SPTBN4: variants seen among roughly 807,000 people sequenced by gnomAD.
The protein encoded by SPTBN4 is spectrin beta, non-erythrocytic 4.
SPTBN4 carries 96 observed loss-of-function variants against 277.8 expected under a neutral mutation model. The observed-to-expected ratio is 0.35, with a 90% CI of 0.29 to 0.41. The LOEUF (loss-of-function observed/expected upper bound fraction) is 0.41, where lower values mean the gene tolerates loss of function less well. Among genes scored for constraint, SPTBN4 ranks in the 10% least tolerant of loss-of-function variants. The pLI, the probability that SPTBN4 is intolerant of heterozygous loss-of-function variation, is 1.00. For synonymous variants in SPTBN4, 1,481 were observed against 1,580.3 expected, an observed-to-expected ratio of 0.94 and a Z score of 1.49; for missense variants, 3,006 against 3,595.7, an observed-to-expected ratio of 0.84 and a Z score of 4.19.
In SPTBN4 at chr19:40,513,493, C is replaced by G; in HGVS notation, c.2704C>G (p.Gln902Glu). Residue 902 changes from glutamine to glutamate, a missense_variant, in exon 14 of 36, where the codon CAA becomes GAA. Around this residue, in one of 5 missense-constraint regions of SPTBN4, gnomAD observed 1,759 missense variants for 2,061.5 expected, o/e 0.85. Coordinates refer to ENST00000598249, the MANE Select transcript of SPTBN4 (RefSeq NM_020971.3). ...TGAGCTGTGGATCGGCGAGAAGGAG[C>G]AATGGCTGCTCTCCATGCGTGTGCC... ...ACELWIGEKE[Q>E]WLLSMRVPDS... The G allele has an allele frequency of 6.2e-7, 1 of 1,600,260 alleles. No individual in the cohort carries two copies. Among genetic ancestry groups the G allele is most frequent in the South Asian group, 1.1e-5 (1 of 90,454 alleles).
At position 40,549,209 on chromosome 19, in the gene SPTBN4, G is replaced by A; in HGVS notation, c.4380G>A (p.Glu1460=). The change falls in exon 21 of 36, where the codon GAG becomes GAA. Residue 1460 remains glutamate, a synonymous_variant. Coordinates refer to ENST00000598249, the MANE Select transcript of SPTBN4 (RefSeq NM_020971.3). ...CACAGTCCATGGAGTCGCAGGTGGA[G>A]GAGTGGTACCGCGAGGTGGGAGAGC... The part of the protein sequence containing the change: ...KKLQSMESQV[E]EWYREVGELQ... The A allele has an allele frequency of 6.5e-7, 1 of 1,547,382 alleles. No individual in the cohort carries two copies. The highest frequency in any genetic ancestry group is 1.2e-5 in the South Asian group (1 of 83,764).
chr19:40,525,394 C>T (rs1740545248), intron 17 of SPTBN4, among the ~76,000 whole-genome samples: 1 of 148,480 alleles, frequency 6.7e-6, no homozygotes, highest in East Asian at 2.0e-4. Flanking sequence ...GCAATCATAG[C>T]TCACTGCAGC....
intron 21 of SPTBN4, 38 bp downstream of exon 21, chr19:40,549,451 G>T: frequency 8.1e-7 from 1 of 1,235,252 alleles, no homozygotes; most frequent in South Asian, 1.7e-5. Flanking sequence ...GGGCGGGGCG[G>T]GGCGGTGGGG....
rs1264898618 is a variant in SPTBN4 at position 40,550,345 on chromosome 19, A to T, written c.4674+18A>T. ...AGAACCAGGTGAGCAGAGCCAGGTG[A>T]GGGAGCGAGTTAGGACATTTGGATA... is the stretch of plus-strand genomic sequence containing the variant. On this transcript the variant is annotated intron_variant, in intron 22 of 35. Transcript: ENST00000598249. 6.2e-7 allele frequency: 1 copy of T among 1,603,346 alleles called. No individual in the cohort carries two copies. Among genetic ancestry groups the T allele is most frequent in the African/African-American group, 1.3e-5 (1 of 74,876 alleles).
At chr19:40,489,648 A>G (rs534227435) in intron 3 of SPTBN4, among the ~76,000 whole-genome samples, 2 of 152,168 alleles carry the variant, frequency 1.3e-5, no homozygotes, top group African/African-American at 4.8e-5. Context: ...TCGGCCTCCC[A>G]AAGTGCTGGG....
At chr19:40,545,018 ACT>A (rs1456102919) in intron 20 of SPTBN4, among the ~76,000 whole-genome samples, 1 of 144,374 alleles carries the variant, frequency 6.9e-6, no homozygotes, top group African/African-American at 2.6e-5. Context: ...CCCATTATAA[ACT>A]CTGCTGTGAT....
At chr19:40,512,166 A>T (rs928019276) in intron 13 of SPTBN4, among the ~76,000 whole-genome samples, 2 of 152,226 alleles carry the variant, frequency 1.3e-5, no homozygotes, top group African/African-American at 4.8e-5. Flanking sequence ...CATTTGACTC[A>T]GTTCTGACAT....
At chr19:40,564,820 G>C (rs1490938041) in intron 27 of SPTBN4, among the ~76,000 whole-genome samples, 2 of 149,830 alleles carry the variant, frequency 1.3e-5, no homozygotes, top group East Asian at 2.0e-4. Context: ...CTGGGCAACA[G>C]AGCAAGACCC....
chr19:40,532,174 T>C (rs55952814), intron 18 of SPTBN4, among the ~76,000 whole-genome samples: 20,430 of 151,384 alleles, frequency 0.13, 1,608 homozygotes, highest in Non-Finnish European at 0.18. Context: ...GGCTCTTGAA[T>C]TGGTCCTTAT....
intron 20 of SPTBN4, among the ~76,000 whole-genome samples, chr19:40,543,662 G>T (rs990368806): frequency 6.6e-6 from 1 of 152,028 alleles, no homozygotes; most frequent in African/African-American, 2.4e-5. Context: ...TCCTCCATCT[G>T]TTTAGAATTA....
Position 40,479,939 on chromosome 19 carries a change from A to C in SPTBN4, c.169+7149A>C, listed in dbSNP as rs559430960. ...CAACATAGAGAGACCCCGTCTCTAC[A>C]AAAAAAAAAAATTAAAAATTAGCTG... On this transcript the variant is annotated intron_variant, in intron 2 of 35. Transcript: ENST00000598249. Among the ~76,000 whole-genome samples the C allele has an allele frequency of 5.6e-5, 7 of 126,092 alleles. No individual in the cohort carries two copies. The South Asian group carries it at 1.5e-3, about 28-fold the overall frequency. 82.7% of individuals were successfully genotyped at this position (126,092 alleles called of 152,430 possible). A position where few individuals can be genotyped will look rare whatever the true frequency, so the allele number is the denominator to read the frequency against.
intron 2 of SPTBN4, among the ~76,000 whole-genome samples, chr19:40,473,900 G>A (rs1394666510): frequency 1.3e-5 from 2 of 151,718 alleles, no homozygotes; most frequent in East Asian, 3.9e-4. Context: ...CCAGCACTTT[G>A]GGAGGCAAAG....
intron 11 of SPTBN4, among the ~76,000 whole-genome samples, 169 bp downstream of exon 11, chr19:40,503,102 G>A (rs1260302328): frequency 6.6e-6 from 1 of 152,110 alleles, no homozygotes; most frequent in East Asian, 1.9e-4. Flanking sequence ...AGTGATTGTT[G>A]GGTGAGGGGA....
chr19:40,559,935 A>C (rs1159648676), intron 26 of SPTBN4, among the ~76,000 whole-genome samples: 3 of 152,258 alleles, frequency 2.0e-5, no homozygotes, highest in Non-Finnish European at 2.9e-5. Context: ...AGACCAAAAG[A>C]AATCAGGCAG....
intron 19 of SPTBN4, 58 bp from the exon 20 acceptor site, chr19:40,534,022 A>G: frequency 1.3e-6 from 2 of 1,525,474 alleles, no homozygotes; most frequent in Non-Finnish European, 1.8e-6. Flanking sequence ...CACTTCTCTG[A>G]TTCTCCCCAC....
Position 40,507,339 on chromosome 19 carries a change from A to T in SPTBN4, c.1816+953A>T, listed in dbSNP as rs552359100. ...AGCAAAAAAATAAAATAAAAAAAAA[A>T]AAAGTCTGGGGAAGGGTGGGTTTTA... On this transcript the variant is annotated intron_variant, in intron 13 of 35. Coordinates refer to ENST00000598249, the MANE Select transcript of SPTBN4 (RefSeq NM_020971.3). Among the ~76,000 whole-genome samples the T allele has an allele frequency of 6.7e-4, 102 of 151,978 alleles. 1 individual carries two copies. Among genetic ancestry groups the T allele is most frequent in the African/African-American group, 2.4e-3 (98 of 41,478 alleles).
chr19:40,506,870 A>G (rs747834071), intron 13 of SPTBN4, among the ~76,000 whole-genome samples: 1 of 152,074 alleles, frequency 6.6e-6, no homozygotes, highest in African/African-American at 2.4e-5. Context: ...CTGTAGTGCC[A>G]GCTATTTGGA....
At chr19:40,557,918 CAAAAAA>C (rs772813414) in intron 26 of SPTBN4, among the ~76,000 whole-genome samples, 8 of 44,344 alleles carry the variant, frequency 1.8e-4, no homozygotes, top group Non-Finnish European at 2.9e-4. Context: ...TACTCTGTCT[CAAAAAA>C]AAAAAAAAAA....
chr19:40,548,794 T>G (rs2080884763), intron 20 of SPTBN4, among the ~76,000 whole-genome samples: 1 of 152,040 alleles, frequency 6.6e-6, no homozygotes, highest in Admixed American at 6.5e-5. Context: ...TTTGGACAAA[T>G]TCTTTAACTT....
Sources: gnomAD v4.1 joint callset for allele counts (sites outside exome capture counted in the v4.1 genomes callset) on GRCh38, gnomAD v4.1.1 for gene constraint, gnomAD v4.1.1 regional missense constraint, MANE v1.5 for transcripts, NCBI Gene and HGNC (gene_info 2026-07-23, HGNC 2026-07-21) for gene names.